Variants in DAB1 observed in about 807,000 individuals in gnomAD.
DAB1 encodes disabled homolog 1.
Under a neutral mutation model 64.6 loss-of-function variants are expected in DAB1, and 15 were observed. The observed-to-expected ratio is 0.23, with a 90% CI of 0.16 to 0.36. The LOEUF (loss-of-function observed/expected upper bound fraction) is 0.36, where lower values mean the gene tolerates loss of function less well. Ranked by LOEUF, DAB1 falls within the 10% of genes least tolerant of loss-of-function variation. DAB1 has a pLI of 1.00. For missense variants in DAB1, 596 were observed against 706.7 expected (o/e 0.84, Z 1.78); for synonymous variants, 235 against 251.9 (o/e 0.93, Z 0.64).
chr1:58,006,828 T>C (rs1030415851), intron 5 of DAB1, among the ~76,000 whole-genome samples: 1 of 152,236 alleles, frequency 6.6e-6, no homozygotes, highest in Non-Finnish European at 1.5e-5. Context: ...ATGTGGATTC[T>C]GAAAGGGAAC....
chr1:57,711,890 G>T (rs193023680), intron 6 of DAB1, among the ~76,000 whole-genome samples: 480 of 152,228 alleles, frequency 3.2e-3, no homozygotes, highest in Non-Finnish European at 4.5e-3. Flanking sequence ...GCTTTTTCAG[G>T]TTATCTAGAC....
chr1:58,253,007 A>G (rs567549243), intron 4 of DAB1, among the ~76,000 whole-genome samples: 159 of 152,336 alleles, frequency 1.0e-3, no homozygotes, highest in Non-Finnish European at 2.0e-3. Flanking sequence ...TTAAGTGGTC[A>G]TAGAAACTTA....
Position 57,718,090 on chromosome 1 carries a change from C to T in DAB1, n.552-68425G>A, listed in dbSNP as rs559442994. ...CTTCAGGTTCTTGTGTTCTATTACA[C>T]AGTAGAGTGACTACAACTAATAACA... On this transcript the variant is annotated intron_variant and non_coding_transcript_variant, in intron 6 of 20. Transcript: ENST00000485760. 1.1e-4 allele frequency among the ~76,000 whole-genome samples: 17 copies of T among 152,150 alleles called. No homozygotes were observed. In the South Asian group the frequency reaches 1.2e-3, roughly 11 times the overall value.
chr1:58,290,696 T>C (rs1412454989), intron 4 of DAB1, among the ~76,000 whole-genome samples: 1 of 152,178 alleles, frequency 6.6e-6, no homozygotes, highest in Non-Finnish European at 1.5e-5. Flanking sequence ...GAAATGTACA[T>C]CATCCTTAGG....
intron 9 of DAB1, among the ~76,000 whole-genome samples, chr1:57,028,881 A>G (rs1282521992): frequency 6.6e-6 from 1 of 152,194 alleles, no homozygotes; most frequent in Non-Finnish European, 1.5e-5. Context: ...AGGGAAGCAG[A>G]GCATAAAAGT....
At chr1:58,153,476 A>G (rs962398212) in intron 4 of DAB1, among the ~76,000 whole-genome samples, 37 of 152,144 alleles carry the variant, frequency 2.4e-4, no homozygotes, top group African/African-American at 8.9e-4. Context: ...AATTCTACAA[A>G]CTGCTGTTGG....
intron 4 of DAB1, among the ~76,000 whole-genome samples, chr1:58,260,215 A>G (rs1661018393): frequency 6.6e-6 from 1 of 152,136 alleles, no homozygotes; most frequent in South Asian, 2.1e-4. Flanking sequence ...ATGTCCCCCC[A>G]CCAGAAGGTG....
At chr1:57,350,867 T>C (rs917462270) in intron 1 of DAB1, among the ~76,000 whole-genome samples, 3 of 152,172 alleles carry the variant, frequency 2.0e-5, no homozygotes, top group African/African-American at 4.8e-5. Flanking sequence ...AGTCTATATA[T>C]CTGGCTCATA....
chr1:57,069,442 C>A lies in DAB1; in HGVS notation c.598-17G>T. 1 of 1,608,798 alleles carries A rather than the reference C, an allele frequency of 6.2e-7. No individual in the cohort carries two copies. The highest frequency in any genetic ancestry group is 8.5e-7 in the Non-Finnish European group (1 of 1,175,654). On this transcript the variant is annotated splice_polypyrimidine_tract_variant and intron_variant, in intron 7 of 14. Transcript: ENST00000371236. ...CACAATGTACTATTACAGGAGCAGC[C>A]AGAAAGGAAAGGTCAGAGGTGAAAA...
chr1:57,524,828 G>A (rs1558460615), intron 7 of DAB1, among the ~76,000 whole-genome samples: 1 of 152,092 alleles, frequency 6.6e-6, no homozygotes, highest in Admixed American at 6.5e-5. Flanking sequence ...GGGATGCCAC[G>A]GCTTGGCTTG....
intron 4 of DAB1, among the ~76,000 whole-genome samples, chr1:58,172,576 A>G (rs1422038661): frequency 1.3e-5 from 2 of 152,322 alleles, no homozygotes; most frequent in Admixed American, 6.5e-5. Flanking sequence ...AGGATGGGGA[A>G]CCAATTGAGC....
At chr1:57,812,473 T>C (rs1651675986) in intron 6 of DAB1, among the ~76,000 whole-genome samples, 2 of 152,128 alleles carry the variant, frequency 1.3e-5, no homozygotes, top group African/African-American at 4.8e-5. Flanking sequence ...TGTGCATGCA[T>C]GCCAACAGTG....
At chr1:57,885,894 A>G (rs1644214267), upstream of DAB1, among the ~76,000 whole-genome samples, 1 of 152,214 alleles carries the variant, frequency 6.6e-6, no homozygotes, top group Non-Finnish European at 1.5e-5. Flanking sequence ...TAAAACCAAA[A>G]TATAAACAGT....
chr1:57,941,752 G>A lies in DAB1; in HGVS notation n.388-57590C>T, dbSNP rs190253714. On this transcript the variant is annotated intron_variant and non_coding_transcript_variant, in intron 5 of 20. Coordinates refer to the DAB1 transcript ENST00000485760. ...CGGGAGGCTGAGGCAAGAGAATGGC[G>A]TGAATCCAGAAGGCGGAGGTTGCAG... Among the ~76,000 whole-genome samples, 593 of 152,132 alleles carry A rather than the reference G, an allele frequency of 3.9e-3. 16 individuals carry two copies. The highest frequency in any genetic ancestry group is 0.036 in the Admixed American group (545 of 15,274).
At chr1:57,984,078 C>G (rs957988443) in intron 5 of DAB1, among the ~76,000 whole-genome samples, 1 of 149,342 alleles carries the variant, frequency 6.7e-6, no homozygotes, top group East Asian at 2.3e-4. Context: ...AAGGCAGCCC[C>G]GCTCCAGTAA....
At chr1:57,709,450 C>A (rs76840831) in intron 6 of DAB1, among the ~76,000 whole-genome samples, 3,094 of 151,974 alleles carry the variant, frequency 0.02, 75 homozygotes, top group East Asian at 0.14. Context: ...CTTTCTCTCT[C>A]TATATATATA....
chr1:57,768,215 A>G (rs1175214314), intron 6 of DAB1, among the ~76,000 whole-genome samples: 1 of 146,838 alleles, frequency 6.8e-6, no homozygotes. Flanking sequence ...TGCTACATCC[A>G]TGCTCCCTGA....
intron 4 of DAB1, among the ~76,000 whole-genome samples, chr1:58,323,602 T>C (rs1569642293): frequency 6.6e-6 from 1 of 152,242 alleles, no homozygotes; most frequent in Non-Finnish European, 1.5e-5. Flanking sequence ...TACTCTCTTT[T>C]ATTGTCTGTT....
At chr1:57,760,864 A>G (rs3118054) in intron 6 of DAB1, among the ~76,000 whole-genome samples, 91,309 of 152,012 alleles carry the variant, frequency 0.6, 27,693 homozygotes, top group African/African-American at 0.67. Context: ...GACTCTGCTC[A>G]CACCACATCA....
Sources: allele counts gnomAD v4.1 joint callset (sites outside exome capture counted in the v4.1 genomes callset), GRCh38; gene constraint gnomAD v4.1.1; transcripts MANE v1.5; gene names NCBI Gene and HGNC (gene_info 2026-07-23, HGNC 2026-07-21).